The following HIVEP3 variants were observed in gnomAD, a reference collection of about 807,000 sequenced individuals.
HIVEP3 encodes the protein HIVEP zinc finger 3.
In HIVEP3, 49 loss-of-function variants were observed where a neutral mutation model predicts 152.8. That is an observed-to-expected ratio of 0.32 (90% CI 0.26 to 0.41). The LOEUF is 0.41. Ranked by LOEUF, HIVEP3 falls within the 10% of genes least tolerant of loss-of-function variation. The probability of loss-of-function intolerance (pLI) is 1.00; values close to 1 mark genes in which losing one functional copy is unlikely to be tolerated. For missense variants in HIVEP3, 2,790 were observed against 3,103.3 expected (o/e 0.90, Z 2.40); for synonymous variants, 1,269 against 1,289.0 (o/e 0.98, Z 0.33).
At chr1:41,817,728 T>G (rs1174199657) in intron 1 of HIVEP3, among the ~76,000 whole-genome samples, 2 of 152,178 alleles carry the variant, frequency 1.3e-5, no homozygotes, top group Non-Finnish European at 2.9e-5. Flanking sequence ...AAAGGTCTTT[T>G]ACAAATCACA....
At chr1:41,800,235 T>C (rs1289748961) in intron 1 of HIVEP3, among the ~76,000 whole-genome samples, 1 of 152,230 alleles carries the variant, frequency 6.6e-6, no homozygotes, top group African/African-American at 2.4e-5. Context: ...GTGGAGTCTA[T>C]TTCTCCCTCC....
chr1:42,023,464 G>T (rs947036453), intron 1 of HIVEP3, among the ~76,000 whole-genome samples: 2 of 152,080 alleles, frequency 1.3e-5, no homozygotes, highest in Admixed American at 1.3e-4. Flanking sequence ...TTGGATCTGT[G>T]TCCCTGCCCA....
At position 41,525,952 on chromosome 1, in the gene HIVEP3, G is replaced by A. The variant is rs145303060; in HGVS notation, c.5208-1042C>T. ...CACTGGCACGGCACGTGGAGGAGGC[G>A]TGGCTTCTCAACCTGTGGGGCGCAC... On this transcript the variant is annotated intron_variant, in intron 5 of 8. Transcript: ENST00000372583. Among the ~76,000 whole-genome samples the A allele has an allele frequency of 3.7e-3, 570 of 152,116 alleles. 3 individuals carry two copies. Among genetic ancestry groups the A allele is most frequent in the African/African-American group, 5.9e-3 (243 of 41,502 alleles).
intron 5 of HIVEP3, among the ~76,000 whole-genome samples, chr1:41,555,506 C>A (rs1643952331): frequency 6.6e-6 from 1 of 152,206 alleles, no homozygotes; most frequent in Non-Finnish European, 1.5e-5. Flanking sequence ...GCTGCACCCA[C>A]TCTCCAACCA....
chr1:41,672,483 A>C (rs1016754375), intron 2 of HIVEP3, among the ~76,000 whole-genome samples: 1 of 152,022 alleles, frequency 6.6e-6, no homozygotes, highest in African/African-American at 2.4e-5. Flanking sequence ...GCCTCTCCCT[A>C]CCTTTCTGTT....
At chr1:41,683,621 G>A (rs943277414) in intron 2 of HIVEP3, among the ~76,000 whole-genome samples, 1 of 152,230 alleles carries the variant, frequency 6.6e-6, no homozygotes, top group Admixed American at 6.5e-5. Context: ...GTATGGCCAT[G>A]GCTGGAGGCT....
chr1:41,546,210 G>T (rs1013058438), intron 5 of HIVEP3, among the ~76,000 whole-genome samples: 1 of 152,202 alleles, frequency 6.6e-6, no homozygotes, highest in Non-Finnish European at 1.5e-5. Flanking sequence ...CTCAACCAGT[G>T]GTCCCCAGAG....
chr1:41,914,442 T>C (rs16828903), intron 1 of HIVEP3, among the ~76,000 whole-genome samples: 5,456 of 152,318 alleles, frequency 0.036, 310 homozygotes, highest in African/African-American at 0.12. Context: ...TATGTACATC[T>C]AGAAACTGAG....
intron 1 of HIVEP3, among the ~76,000 whole-genome samples, chr1:41,889,758 A>T (rs372518806): frequency 1.3e-5 from 2 of 152,178 alleles, no homozygotes; most frequent in East Asian, 1.9e-4. Flanking sequence ...CTCCTGTAGG[A>T]ATAACGGACT....
chr1:41,695,040 G>T (rs1242124146), intron 2 of HIVEP3, among the ~76,000 whole-genome samples: 1 of 152,222 alleles, frequency 6.6e-6, no homozygotes, highest in African/African-American at 2.4e-5. Flanking sequence ...ACTAAACCAA[G>T]ACAGTCCCTA....
intron 1 of HIVEP3, among the ~76,000 whole-genome samples, chr1:42,023,980 T>A (rs1645568974): frequency 6.6e-6 from 1 of 152,236 alleles, no homozygotes; most frequent in Admixed American, 6.5e-5. Flanking sequence ...TCTGTAAATG[T>A]AAAGTAGTGT....
intron 1 of HIVEP3, among the ~76,000 whole-genome samples, chr1:41,843,642 C>G (rs975252399): frequency 6.6e-6 from 1 of 151,902 alleles, no homozygotes; most frequent in African/African-American, 2.4e-5. Flanking sequence ...CTACAGCCAA[C>G]GTGACTCACC....
chr1:41,842,735 G>A (rs1039654582), intron 1 of HIVEP3, among the ~76,000 whole-genome samples: 4 of 152,208 alleles, frequency 2.6e-5, no homozygotes, highest in Non-Finnish European at 5.9e-5. Context: ...TCGAGATGGT[G>A]AAGCTCCTTT....
rs141574922 is a variant in HIVEP3 at position 41,752,612 on chromosome 1, G to A, written c.-800-51617C>T. Among the ~76,000 whole-genome samples the A allele has an allele frequency of 4.1e-3, 626 of 152,298 alleles. 5 individuals carry two copies. The highest frequency in any genetic ancestry group is 6.2e-3 in the Non-Finnish European group (424 of 68,032). On this transcript the variant is annotated intron_variant, in intron 1 of 8. Transcript: ENST00000372583. ...TGGTTCCTGAACCCGGAGCATCAGC[G>A]TCATCTGGGAACTTGTTAAAAATGC...
chr1:41,723,479 TACACACACACACACACAGCCACC>T (rs1646706625), intron 1 of HIVEP3, among the ~76,000 whole-genome samples: 2 of 118,848 alleles, frequency 1.7e-5, no homozygotes, highest in African/African-American at 1.1e-4. Context: ...CATAAAATCA[TACACACACACACACACAGCCACC>T]ACACACACAC....
At chr1:41,661,800 G>A (rs1645716717) in intron 2 of HIVEP3, among the ~76,000 whole-genome samples, 1 of 152,228 alleles carries the variant, frequency 6.6e-6, no homozygotes, top group Non-Finnish European at 1.5e-5. Flanking sequence ...AGGAGGCTGT[G>A]CACGCCAACG....
chr1:41,542,061 T>C (rs1237880139), intron 5 of HIVEP3: 1 of 152,252 alleles, frequency 6.6e-6, no homozygotes, highest in East Asian at 1.9e-4. Flanking sequence ...GCACTCTGCC[T>C]TGATAGCACT....
Position 41,583,524 on chromosome 1 carries a change from A to C in HIVEP3, c.1274T>G (p.Ile425Arg). ...TGTCAGCATGGCGGTCCGCTGTCCT[A>C]TTCGCCCACACTTGCCAAAGATGAT... ...AEIIFGKCGR[I>R]GQRTAMLTAT... The change falls in exon 4 of 9, where the codon ATA (isoleucine) becomes AGA (arginine). Residue 425 changes from isoleucine (I) to arginine (R), a missense_variant. Ile to Arg is a moderately conservative substitution (Grantham distance 97). Transcript: ENST00000372583. This position sits in a 1 kb window ranked among gnomAD's most constrained non-coding sequence, Gnocchi z 6.9. 1 of 1,613,894 alleles carries C rather than the reference A, an allele frequency of 6.2e-7. No homozygotes were observed. The highest frequency in any genetic ancestry group is 8.5e-7 in the Non-Finnish European group (1 of 1,179,974).
chr1:41,759,003 T>C (rs951770625), intron 1 of HIVEP3, among the ~76,000 whole-genome samples: 11 of 152,232 alleles, frequency 7.2e-5, no homozygotes, highest in African/African-American at 2.6e-4. Context: ...TGGCATTAAG[T>C]GCTTTCGCAG....
Sources: allele counts gnomAD v4.1 joint callset (sites outside exome capture counted in the v4.1 genomes callset), GRCh38; gene constraint gnomAD v4.1.1; non-coding constraint Gnocchi (gnomAD v3.1); transcripts MANE v1.5; gene names NCBI Gene and HGNC (gene_info 2026-07-23, HGNC 2026-07-21).